The following RP1 variants were observed in gnomAD, a reference collection of about 807,000 sequenced individuals.
The protein encoded by RP1 is oxygen-regulated protein 1.
A neutral mutation model predicts 14.8 loss-of-function variants in RP1; 16 were observed. That is an observed-to-expected ratio of 1.08 (90% CI 0.73 to 1.65). RP1 has a LOEUF of 1.65. Ranked by LOEUF, RP1 falls within the 40% of genes most tolerant of loss-of-function variation. The pLI is 0.00. For missense variants in RP1, 2,631 were observed against 2,535.0 expected, an observed-to-expected ratio of 1.04 and a Z score of -0.81; for synonymous variants, 876 against 883.6, an observed-to-expected ratio of 0.99 and a Z score of 0.15.
intron 23 of RP1, among the ~76,000 whole-genome samples, chr8:54,781,309 T>G (rs999242783): frequency 1.3e-5 from 2 of 152,192 alleles, no homozygotes; most frequent in Non-Finnish European, 2.9e-5. Flanking sequence ...TCCTTCTTCC[T>G]TTGAAAACTC....
chr8:54,584,432 A>G (rs1388309902), intron 1 of RP1, among the ~76,000 whole-genome samples: 2 of 152,102 alleles, frequency 1.3e-5, no homozygotes, highest in East Asian at 1.9e-4. Context: ...TATGTGGTCA[A>G]TTTTGGAATA....
At chr8:54,800,587 A>T (rs560278541) in intron 24 of RP1, among the ~76,000 whole-genome samples, 15 of 152,242 alleles carry the variant, frequency 9.9e-5, no homozygotes, top group African/African-American at 3.6e-4. Flanking sequence ...TCAATTAACC[A>T]ATCTAAATAT....
intron 3 of RP1, 88 bp downstream of exon 3, chr8:54,622,376 A>G: frequency 9.2e-7 from 1 of 1,088,674 alleles, no homozygotes; most frequent in Non-Finnish European, 1.4e-6. Flanking sequence ...TTCAATGACC[A>G]GTTTCTTCCA....
chr8:54,755,052 T>C, intron 20 of RP1: 1 of 1,146,170 alleles, frequency 8.7e-7, no homozygotes, highest in Non-Finnish European at 1.1e-6. Context: ...AGAGAGTTGT[T>C]TTACTCTTGA....
chr8:54,572,382 A>T (rs1241842543), intron 1 of RP1, among the ~76,000 whole-genome samples: 1 of 152,242 alleles, frequency 6.6e-6, no homozygotes, highest in African/African-American at 2.4e-5. Flanking sequence ...TCAACAATTT[A>T]ATTAAAATCA....
chr8:54,696,848 C>G, intron 12 of RP1: 3 of 751,370 alleles, frequency 4.0e-6, no homozygotes, highest in Non-Finnish European at 7.2e-6. Context: ...TGTCCAGTAA[C>G]TCATTTTGAA....
intron 6 of RP1, among the ~76,000 whole-genome samples, chr8:54,659,481 A>G (rs1376666888): frequency 6.6e-6 from 1 of 152,174 alleles, no homozygotes; most frequent in Non-Finnish European, 1.5e-5. Flanking sequence ...CCATTTATCG[A>G]CGAGACTGTC....
intron 23 of RP1, among the ~76,000 whole-genome samples, chr8:54,777,161 A>T (rs1399113371): frequency 1.3e-5 from 2 of 152,228 alleles, no homozygotes; most frequent in Non-Finnish European, 2.9e-5. Flanking sequence ...AGCACCTTGA[A>T]CAGAGCCTAA....
chr8:54,729,814 ATAATT>A, intron 17 of RP1, among the ~76,000 whole-genome samples: 1 of 152,178 alleles, frequency 6.6e-6, no homozygotes, highest in East Asian at 1.9e-4. Context: ...TTTTCTTATT[ATAATT>A]TGTAATGGAT....
chr8:54,728,276 T>C (rs1038585385), intron 17 of RP1, among the ~76,000 whole-genome samples: 12 of 152,164 alleles, frequency 7.9e-5, no homozygotes, highest in African/African-American at 2.7e-4. Flanking sequence ...TTTTTCTACC[T>C]CTATCAAAGG....
intron 12 of RP1, among the ~76,000 whole-genome samples, chr8:54,686,821 G>A (rs1807574590): frequency 6.6e-6 from 1 of 151,904 alleles, no homozygotes. Flanking sequence ...GATTCATATA[G>A]TTTTTTTAAT....
At chr8:54,795,915 C>T (rs1256391004) in intron 24 of RP1, among the ~76,000 whole-genome samples, 1 of 152,170 alleles carries the variant, frequency 6.6e-6, no homozygotes, top group Non-Finnish European at 1.5e-5. Context: ...TGCAAATCTT[C>T]AAAGTACTAA....
chr8:54,678,186 G>C (rs1399641475), intron 8 of RP1, among the ~76,000 whole-genome samples: 2 of 152,106 alleles, frequency 1.3e-5, no homozygotes, highest in Admixed American at 6.6e-5. Flanking sequence ...AGCAGCTACA[G>C]AATTGTTCTA....
At chr8:54,736,628 C>T (rs1276153600) in intron 18 of RP1, among the ~76,000 whole-genome samples, 1 of 152,120 alleles carries the variant, frequency 6.6e-6, no homozygotes, top group Non-Finnish European at 1.5e-5. Flanking sequence ...TTCTACTGGC[C>T]TCTGTCATTT....
chr8:54,591,289 G>T (rs186405912), intron 1 of RP1, among the ~76,000 whole-genome samples: 1 of 152,170 alleles, frequency 6.6e-6, no homozygotes, highest in African/African-American at 2.4e-5. Context: ...CTCTGATGAA[G>T]TCTTCCTTGA....
intron 24 of RP1, among the ~76,000 whole-genome samples, chr8:54,806,827 T>G (rs1311606867): frequency 6.6e-6 from 1 of 152,194 alleles, no homozygotes; most frequent in African/African-American, 2.4e-5. Flanking sequence ...CAAGGGGAGA[T>G]GGATAATTAT....
At chr8:54,853,635 T>C (rs1251093214) in intron 26 of RP1, among the ~76,000 whole-genome samples, 3 of 151,660 alleles carry the variant, frequency 2.0e-5, no homozygotes, top group Non-Finnish European at 4.4e-5. Flanking sequence ...AATTATAAAA[T>C]ATTATTGGAA....
intron 1 of RP1, among the ~76,000 whole-genome samples, chr8:54,580,153 A>AAGTG (rs10626722): frequency 0.95 from 144,512 of 152,044 alleles, 68,861 homozygotes; most frequent in Non-Finnish European, 0.98. Context: ...CTGTAGAATG[A>AAGTG]AGTAACTGCT....
rs1804606693 is a variant in RP1, at chr8:54,574,797, G to A, written c.-13+15477G>A. Among the ~76,000 whole-genome samples the A allele has an allele frequency of 1.3e-5, 2 of 152,096 alleles. 1 individual carries two copies. The highest frequency in any genetic ancestry group is 4.2e-4 in the South Asian group (2 of 4,818). On this transcript the variant is annotated intron_variant, in intron 1 of 22. Coordinates refer to the RP1 transcript ENST00000636932. ...CTTATTTCTTCTAGTTCTGTAATCT[G>A]TGTTGGGTTACCTAGGAACGAAAAA...
Sources: gnomAD v4.1 joint callset for allele counts (sites outside exome capture counted in the v4.1 genomes callset) on GRCh38, gnomAD v4.1.1 for gene constraint, MANE v1.5 for transcripts, NCBI Gene and HGNC (gene_info 2026-07-23, HGNC 2026-07-21) for gene names.